The following MYO1H variants were observed in gnomAD, a reference collection of about 807,000 sequenced individuals.
MYO1H encodes the protein myosin IH.
Under a neutral mutation model 149.3 loss-of-function variants are expected in MYO1H, and 118 were observed. The observed-to-expected ratio is 0.79, with a 90% CI of 0.68 to 0.92. The LOEUF (loss-of-function observed/expected upper bound fraction) is 0.92. Among genes scored for constraint, MYO1H ranks in the 40% least tolerant of loss-of-function variants. The pLI, the probability that MYO1H is intolerant of heterozygous loss-of-function variation, is 0.00. For synonymous variants in MYO1H, 447 were observed against 465.2 expected (o/e 0.96, Z 0.50); for missense variants, 1,212 against 1,280.7 (o/e 0.95, Z 0.82).
chr12:109,382,870 A>T (rs997196476), intron 1 of MYO1H, among the ~76,000 whole-genome samples: 46 of 148,574 alleles, frequency 3.1e-4, no homozygotes, highest in Non-Finnish European at 5.3e-4. Flanking sequence ...TATATTTTAA[A>T]AATATGAATT....
chr12:109,363,872 T>C (rs1438392637), intron 1 of MYO1H, among the ~76,000 whole-genome samples: 1 of 151,830 alleles, frequency 6.6e-6, no homozygotes, highest in East Asian at 1.9e-4. Context: ...GGACCCCGTG[T>C]CTGACAAGTC....
intron 19 of MYO1H, among the ~76,000 whole-genome samples, 185 bp downstream of exon 19, chr12:109,427,771 G>A (rs1471176486): frequency 6.8e-6 from 1 of 146,916 alleles, no homozygotes; most frequent in Non-Finnish European, 1.5e-5. Flanking sequence ...CTGGCTGGGT[G>A]CGGTGGCTCA....
intron 2 of MYO1H, among the ~76,000 whole-genome samples, chr12:109,392,488 C>T (rs906920404): frequency 3.9e-5 from 6 of 152,186 alleles, no homozygotes; most frequent in East Asian, 1.9e-4. Context: ...TTTGGGAGGC[C>T]GAGGCAGGCA....
chr12:109,345,020 T>C (rs1487321060), upstream of MYO1H, among the ~76,000 whole-genome samples: 4 of 152,192 alleles, frequency 2.6e-5, no homozygotes, highest in African/African-American at 9.6e-5. Flanking sequence ...CAGGTGTACA[T>C]CTTTGTGACC....
the MYO1H span, among the ~76,000 whole-genome samples, chr12:109,314,349 A>G: frequency 6.6e-6 from 1 of 152,072 alleles, no homozygotes; most frequent in African/African-American, 2.4e-5. Context: ...TACCTTCTGA[A>G]TCATCAAAGA....
the MYO1H span, among the ~76,000 whole-genome samples, chr12:109,342,259 C>T: frequency 7.3e-5 from 11 of 151,366 alleles, no homozygotes; most frequent in African/African-American, 2.4e-4. Context: ...GTTCTCCTGC[C>T]TCAGCCTCCC....
At chr12:109,319,180 C>G in the MYO1H span, among the ~76,000 whole-genome samples, 1 of 151,992 alleles carries the variant, frequency 6.6e-6, no homozygotes, top group African/African-American at 2.4e-5. Context: ...ACCCAACAAC[C>G]CAACTGCCCA....
exon 1 of MYO1H, chr12:109,347,920 A>G (rs943820035): frequency 2.0e-5 from 8 of 398,948 alleles, no homozygotes; most frequent in Admixed American, 1.8e-4. Context: ...GAATGGCTCA[A>G]GAGGAATAGT....
chr12:109,402,790 T>C (rs1870220339), intron 6 of MYO1H, among the ~76,000 whole-genome samples: 1 of 152,244 alleles, frequency 6.6e-6, no homozygotes, highest in South Asian at 2.1e-4. Flanking sequence ...ATCATGATTG[T>C]ATTCCCATAG....
chr12:109,321,425 C>T, the MYO1H span, among the ~76,000 whole-genome samples: 4 of 149,580 alleles, frequency 2.7e-5, no homozygotes, highest in Non-Finnish European at 6.0e-5. Context: ...TGGTGACGGG[C>T]GCCTGTAATC....
rs548445966 is a variant in MYO1H at position 109,368,907 on chromosome 12, A to G, written c.13-19776A>G. ...TAGCTCCCACTTGTGAGAACATGCC[A>G]TAATTGGTTTTCTCTTCCTGCATTA... On this transcript the variant is annotated intron_variant, in intron 1 of 31. Coordinates refer to ENST00000310903, the Ensembl canonical transcript of MYO1H. 9.2e-5 allele frequency among the ~76,000 whole-genome samples: 14 copies of G among 151,990 alleles called. No homozygotes were observed. In the East Asian group the frequency reaches 1.4e-3, roughly 15 times the overall value.
the MYO1H span, among the ~76,000 whole-genome samples, chr12:109,335,808 G>A: frequency 2.0e-5 from 3 of 152,016 alleles, no homozygotes; most frequent in Non-Finnish European, 4.4e-5. Context: ...ATATTTTATT[G>A]GCTATGTAGA....
intron 21 of MYO1H, among the ~76,000 whole-genome samples, chr12:109,436,034 A>C (rs1871843738): frequency 6.6e-6 from 1 of 152,180 alleles, no homozygotes; most frequent in Non-Finnish European, 1.5e-5. Context: ...GGGTGGATGC[A>C]GGATGTAGAA....
intron 19 of MYO1H, among the ~76,000 whole-genome samples, chr12:109,428,476 G>C (rs372853420): frequency 6.6e-6 from 1 of 152,114 alleles, no homozygotes. Flanking sequence ...CTATTTCTAC[G>C]CCTACTCTCA....
At chr12:109,328,123 AACACAC>A in the MYO1H span, among the ~76,000 whole-genome samples, 1 of 146,228 alleles carries the variant, frequency 6.8e-6, no homozygotes, top group African/African-American at 2.5e-5. Flanking sequence ...TGGGGATCAT[AACACAC>A]ACACACACAC....
intron 23 of MYO1H, 55 bp from the exon 24 acceptor site, chr12:109,439,576 G>A: frequency 6.5e-7 from 1 of 1,535,046 alleles, no homozygotes; most frequent in South Asian, 1.2e-5. Flanking sequence ...GGAAGAGAAT[G>A]TAAATCTCGG....
Position 109,435,048 on chromosome 12 carries a change from T to TC in MYO1H, c.2076dup (p.Ile693HisfsTer15). On this transcript the variant is annotated frameshift_variant, in exon 21 of 32. Transcript: ENST00000310903. LOFTEE classifies it high-confidence loss of function. ...CTTTTCACTTCTAGAACCAAAATAT[T>TC]CATTCGTTTCCCCAGAACTCTGTTT... 6.2e-7 allele frequency: 1 copy of TC among 1,607,324 alleles called. No individual in the cohort carries two copies. The highest frequency in any genetic ancestry group is 8.5e-7 in the Non-Finnish European group (1 of 1,177,660).
intron 1 of MYO1H, among the ~76,000 whole-genome samples, chr12:109,364,773 TC>T (rs1177694804): frequency 6.6e-6 from 1 of 152,212 alleles, no homozygotes; most frequent in East Asian, 1.9e-4. Flanking sequence ...CATTTTTTTT[TC>T]CATATGATAA....
At chr12:109,320,460 A>C in the MYO1H span, among the ~76,000 whole-genome samples, 1 of 146,390 alleles carries the variant, frequency 6.8e-6, no homozygotes. Context: ...AAATACAAAA[A>C]AAAAAAAAAA....
Sources: gnomAD v4.1 joint callset for allele counts (sites outside exome capture counted in the v4.1 genomes callset) on GRCh38, gnomAD v4.1.1 for gene constraint, MANE v1.5 for transcripts, NCBI Gene and HGNC (gene_info 2026-07-23, HGNC 2026-07-21) for gene names.